Variants in BRINP3 observed in about 807,000 individuals in gnomAD.
BRINP3 encodes BMP/retinoic acid-inducible neural-specific protein 3.
BRINP3 carries 19 observed loss-of-function variants against 71.0 expected under a neutral mutation model. That is an observed-to-expected ratio of 0.27 (90% CI 0.19 to 0.39). The LOEUF (loss-of-function observed/expected upper bound fraction) is 0.39. BRINP3 is among the 10% of genes least tolerant of loss of function. The probability of loss-of-function intolerance (pLI) is 1.00; values close to 1 mark genes in which losing one functional copy is unlikely to be tolerated. For missense variants in BRINP3, 959 were observed against 940.8 expected, an observed-to-expected ratio of 1.02 and a Z score of -0.25; for synonymous variants, 380 against 337.7, an observed-to-expected ratio of 1.13 and a Z score of -1.37.
At position 190,097,961 on chromosome 1, in the gene BRINP3, C is replaced by A; in HGVS notation, c.*57G>T. On this transcript the variant is annotated 3_prime_UTR_variant, in exon 8 of 8. Transcript: ENST00000367462. ...TTTACTCTTCCAAACATAAACTGTTCCACAAAAGCACTGTAAAAACTCCTT... is the reference window on the plus strand; with the variant it reads ...TTTACTCTTCCAAACATAAACTGTTACACAAAAGCACTGTAAAAACTCCTT... 6.7e-7 allele frequency: 1 copy of A among 1,502,168 alleles called. No individual in the cohort carries two copies. Among genetic ancestry groups the A allele is most frequent in the Non-Finnish European group, 9.0e-7 (1 of 1,117,246 alleles). 93.1% of individuals were successfully genotyped at this position (1,502,168 alleles called of 1,614,324 possible).
chr1:190,235,071 G>A (rs1658384445), intron 4 of BRINP3, among the ~76,000 whole-genome samples: 1 of 151,670 alleles, frequency 6.6e-6, no homozygotes, highest in Admixed American at 6.6e-5. Context: ...ACCTCACTTG[G>A]ATTAGAAACT....
At chr1:190,319,142 G>A (rs187603992) in intron 2 of BRINP3, among the ~76,000 whole-genome samples, 1 of 152,162 alleles carries the variant, frequency 6.6e-6, no homozygotes, top group African/African-American at 2.4e-5. Context: ...TTCCTTACAT[G>A]TGCCTGACTC....
chr1:190,396,776 A>G (rs898594382), intron 2 of BRINP3, among the ~76,000 whole-genome samples: 2 of 138,696 alleles, frequency 1.4e-5, no homozygotes, highest in Non-Finnish European at 3.1e-5. Flanking sequence ...CTAACTGATC[A>G]TGTCTTCTTA....
intron 7 of BRINP3, among the ~76,000 whole-genome samples, chr1:190,149,630 TG>T (rs2102416482): frequency 7.2e-6 from 1 of 138,284 alleles, no homozygotes; most frequent in South Asian, 2.1e-4. Context: ...AGTAGTTGTG[TG>T]TGTGTGTGTG....
chr1:190,445,403 T>A (rs1246597569), intron 2 of BRINP3, among the ~76,000 whole-genome samples: 2 of 152,166 alleles, frequency 1.3e-5, no homozygotes, highest in Non-Finnish European at 2.9e-5. Flanking sequence ...TAAAAAATAT[T>A]GTCAGCATTG....
intron 2 of BRINP3, among the ~76,000 whole-genome samples, chr1:190,311,805 G>A (rs886294496): frequency 4.5e-4 from 68 of 150,316 alleles, no homozygotes; most frequent in African/African-American, 1.6e-3. Context: ...AAGAGAGAGT[G>A]GAGAAATAAA....
chr1:190,134,303 C>T (rs1475610064), intron 7 of BRINP3, among the ~76,000 whole-genome samples: 2 of 151,958 alleles, frequency 1.3e-5, no homozygotes, highest in East Asian at 1.9e-4. Flanking sequence ...GATGCCTCGG[C>T]TTGGCAAGAC....
intron 2 of BRINP3, among the ~76,000 whole-genome samples, chr1:190,362,679 G>A (rs1478391410): frequency 6.6e-6 from 1 of 152,158 alleles, no homozygotes; most frequent in Non-Finnish European, 1.5e-5. Context: ...TTCCCCCATA[G>A]TGTTCTCACA....
At chr1:190,429,367 CA>C (rs967616619) in intron 2 of BRINP3, among the ~76,000 whole-genome samples, 3 of 151,962 alleles carry the variant, frequency 2.0e-5, no homozygotes, top group African/African-American at 7.2e-5. Flanking sequence ...GCAACCACTA[CA>C]AAAAATATGG....
chr1:190,157,166 G>A (rs1014887070), intron 7 of BRINP3, among the ~76,000 whole-genome samples: 3 of 151,826 alleles, frequency 2.0e-5, no homozygotes, highest in Admixed American at 6.6e-5. Flanking sequence ...AAGACCCACA[G>A]TAAGCCTTGC....
At chr1:190,109,941 G>A (rs760844403) in intron 7 of BRINP3, among the ~76,000 whole-genome samples, 2 of 152,170 alleles carry the variant, frequency 1.3e-5, no homozygotes, top group Non-Finnish European at 2.9e-5. Context: ...GCTTGCAGGT[G>A]ATCAACTGTG....
chr1:190,210,749 G>A (rs1655912845), intron 6 of BRINP3, among the ~76,000 whole-genome samples: 1 of 152,064 alleles, frequency 6.6e-6, no homozygotes, highest in Non-Finnish European at 1.5e-5. Context: ...TTGTTCCTGG[G>A]TATGTCTGTG....
intron 4 of BRINP3, among the ~76,000 whole-genome samples, chr1:190,234,993 T>C (rs1889146): frequency 0.96 from 145,460 of 152,162 alleles, 69,859 homozygotes; most frequent in East Asian, 1. Flanking sequence ...CTTTCCAATA[T>C]GCCAGTATCT....
chr1:190,148,056 A>T (rs1402265094), intron 7 of BRINP3, among the ~76,000 whole-genome samples: 1 of 152,318 alleles, frequency 6.6e-6, no homozygotes, highest in East Asian at 1.9e-4. Flanking sequence ...CTAATTGATG[A>T]ACTAAGAAAA....
intron 6 of BRINP3, among the ~76,000 whole-genome samples, chr1:190,204,309 T>C (rs948047043): frequency 6.6e-6 from 1 of 151,656 alleles, no homozygotes; most frequent in Admixed American, 6.6e-5. Flanking sequence ...AAGAAGAAAA[T>C]GGAACATAGA....
chr1:190,157,975 A>G (rs980839077), intron 7 of BRINP3, among the ~76,000 whole-genome samples: 6 of 152,148 alleles, frequency 3.9e-5, no homozygotes, highest in African/African-American at 1.4e-4. Context: ...ACATGAATGC[A>G]GCTTGAGGCC....
intron 2 of BRINP3, among the ~76,000 whole-genome samples, chr1:190,331,340 CACTTGAAAGCTTGA>C (rs1297565322): frequency 6.6e-6 from 1 of 151,858 alleles, no homozygotes; most frequent in African/African-American, 2.4e-5. Flanking sequence ...GCATAATAAC[CACTTGAAAGCTTGA>C]ACTTAGCTAT....
intron 2 of BRINP3, among the ~76,000 whole-genome samples, chr1:190,302,964 G>A (rs1437480907): frequency 1.3e-5 from 2 of 151,204 alleles, no homozygotes; most frequent in Non-Finnish European, 3.0e-5. Flanking sequence ...GTTTCACTTC[G>A]GCAAAAAGAT....
chr1:190,469,389 A>G (rs896818497), intron 1 of BRINP3, among the ~76,000 whole-genome samples: 5 of 151,042 alleles, frequency 3.3e-5, no homozygotes, highest in African/African-American at 1.2e-4. Flanking sequence ...TATTTTCAAT[A>G]AGCTAGACTT....
Sources: allele counts gnomAD v4.1 joint callset (sites outside exome capture counted in the v4.1 genomes callset), GRCh38; gene constraint gnomAD v4.1.1; transcripts MANE v1.5; gene names NCBI Gene and HGNC (gene_info 2026-07-23, HGNC 2026-07-21).